Variants in SYT6 observed in about 807,000 individuals in gnomAD.
SYT6 encodes synaptotagmin 6.
A neutral mutation model predicts 38.4 loss-of-function variants in SYT6; 24 were observed. The ratio of observed to expected loss-of-function variants is 0.62; its 90% CI spans 0.45 to 0.88. The LOEUF (loss-of-function observed/expected upper bound fraction) is 0.88. SYT6 is among the 40% of genes least tolerant of loss of function. The pLI is 0.00. For synonymous variants in SYT6, 265 were observed against 241.9 expected (o/e 1.10, Z -0.89); for missense variants, 611 against 621.0 (o/e 0.98, Z 0.17).
rs781092626 is a variant in SYT6 at position 114,092,003 on chromosome 1, T to C, written c.*131A>G. The C allele has an allele frequency of 7.8e-6, 12 of 1,536,162 alleles. No homozygotes were observed. The African/African-American group carries it at 1.6e-4, about 21-fold the overall frequency. ...CTGAGTCCCATTTGTGTTATTTGGC[T>C]GCACATCTCATGGTGTTGGAGGTGG... On this transcript the variant is annotated 3_prime_UTR_variant, in exon 8 of 8. Transcript: ENST00000610222.
chr1:114,148,704 A>ATTT (rs1442133311), intron 1 of SYT6, among the ~76,000 whole-genome samples: 4 of 147,632 alleles, frequency 2.7e-5, no homozygotes, highest in African/African-American at 1.0e-4. Flanking sequence ...TTTATTTATT[A>ATTT]ATACATAGTG....
At chr1:114,140,012 G>A (rs764141903) in intron 1 of SYT6, 49 bp from the exon 2 acceptor site, 2 of 1,155,796 alleles carry the variant, frequency 1.7e-6, no homozygotes, top group East Asian at 2.5e-5. Flanking sequence ...ACAGAGGCGG[G>A]GAGAAGCGGG....
rs149822874 is a variant in SYT6, at chr1:114,132,958, G to T, written c.1071+4537C>A. ...GGAAGCTAGAATGCAATTCAGGTTGGGTTGACAATAAAGCCTGCACTCCTT... is the reference window on the plus strand; with the variant it reads ...GGAAGCTAGAATGCAATTCAGGTTGTGTTGACAATAAAGCCTGCACTCCTT... On this transcript the variant is annotated intron_variant, in intron 3 of 7. Coordinates refer to ENST00000610222, the MANE Select transcript of SYT6 (RefSeq NM_001253772.2). 6.1e-4 allele frequency among the ~76,000 whole-genome samples: 93 copies of T among 152,252 alleles called. 2 individuals carry two copies. The East Asian group carries it at 0.017, about 28-fold the overall frequency.
chr1:114,136,204 C>T (rs1204027868), intron 3 of SYT6, among the ~76,000 whole-genome samples: 2 of 152,174 alleles, frequency 1.3e-5, no homozygotes, highest in Non-Finnish European at 1.5e-5. Flanking sequence ...TTGAACAAAA[C>T]AAGATTTATG....
intron 6 of SYT6, among the ~76,000 whole-genome samples, chr1:114,097,454 AC>A (rs1675701586): frequency 6.6e-6 from 1 of 152,226 alleles, no homozygotes; most frequent in Admixed American, 6.5e-5. Flanking sequence ...CAGACCTGGC[AC>A]AGTGGTCTGC....
intron 3 of SYT6, among the ~76,000 whole-genome samples, chr1:114,113,067 G>A (rs76820718): frequency 1.2e-4 from 19 of 152,326 alleles, no homozygotes; most frequent in Non-Finnish European, 1.9e-4. Context: ...CCTGCACTGC[G>A]TGACAGTGGC....
chr1:114,122,843 G>A (rs1677501100), intron 3 of SYT6, among the ~76,000 whole-genome samples: 1 of 151,262 alleles, frequency 6.6e-6, no homozygotes, highest in Non-Finnish European at 1.5e-5. Context: ...TACCAAAAAG[G>A]CCCAGCAGCA....
At chr1:114,097,076 A>G (rs1289332396) in intron 6 of SYT6, among the ~76,000 whole-genome samples, 1 of 152,150 alleles carries the variant, frequency 6.6e-6, no homozygotes, top group Admixed American at 6.5e-5. Flanking sequence ...CAGGGTCAAG[A>G]TTATACAGCA....
chr1:114,142,970 A>T (rs1678943988), intron 1 of SYT6, among the ~76,000 whole-genome samples: 1 of 152,140 alleles, frequency 6.6e-6, no homozygotes, highest in African/African-American at 2.4e-5. Context: ...ATTACAATGT[A>T]TACTTTTTGT....
At chr1:114,131,631 C>G (rs1444013784) in intron 3 of SYT6, among the ~76,000 whole-genome samples, 1 of 152,174 alleles carries the variant, frequency 6.6e-6, no homozygotes, top group Non-Finnish European at 1.5e-5. Flanking sequence ...GCCTGGGCAC[C>G]CTGATATGGA....
intron 3 of SYT6, among the ~76,000 whole-genome samples, chr1:114,129,604 CTTT>C (rs777830685): frequency 1.7e-4 from 16 of 93,784 alleles, no homozygotes; most frequent in African/African-American, 4.6e-4. Flanking sequence ...TTCTTTCTTT[CTTT>C]CTTTCTTTCC....
intron 3 of SYT6, among the ~76,000 whole-genome samples, chr1:114,115,916 C>T (rs1676966181): frequency 6.6e-6 from 1 of 152,100 alleles, no homozygotes; most frequent in African/African-American, 2.4e-5. Context: ...TGGGACTGTC[C>T]ATGCTCCACC....
chr1:114,122,506 T>TGTGTGTGTGTGTGTGTGTGCGC (rs60780339), intron 3 of SYT6, among the ~76,000 whole-genome samples: 14 of 147,286 alleles, frequency 9.5e-5, no homozygotes, highest in African/African-American at 3.6e-4. Flanking sequence ...TGTGTGTGTG[T>TGTGTGTGTGTGTGTGTGTGCGC]GCGCGCACAT....
At chr1:114,105,033 T>G (rs1367355819) in intron 3 of SYT6, among the ~76,000 whole-genome samples, 1 of 150,244 alleles carries the variant, frequency 6.7e-6, no homozygotes, top group Non-Finnish European at 1.5e-5. Context: ...TGTTGCCATC[T>G]TTACGAGTGG....
intron 1 of SYT6, among the ~76,000 whole-genome samples, chr1:114,146,875 A>C (rs1326444058): frequency 6.6e-6 from 1 of 152,198 alleles, no homozygotes; most frequent in Non-Finnish European, 1.5e-5. Flanking sequence ...TAATAATAGT[A>C]TCTACCTTTA....
intron 4 of SYT6, among the ~76,000 whole-genome samples, chr1:114,102,755 C>A (rs1229426034): frequency 1.3e-5 from 2 of 152,042 alleles, no homozygotes; most frequent in Non-Finnish European, 2.9e-5. Context: ...AGCTTTTTTC[C>A]ACATTTGCAA....
chr1:114,131,706 T>TGAA (rs1473756120), intron 3 of SYT6, among the ~76,000 whole-genome samples: 1 of 152,204 alleles, frequency 6.6e-6, no homozygotes, highest in Non-Finnish European at 1.5e-5. Context: ...AAGTGCCCAA[T>TGAA]GATGCACTGA....
In SYT6 at chr1:114,139,749, G is replaced by A; in HGVS notation, c.378C>T (p.Gly126=). The A allele has an allele frequency of 1.9e-6, 3 of 1,614,106 alleles. No individual in the cohort carries two copies. The highest frequency in any genetic ancestry group is 2.5e-6 in the Non-Finnish European group (3 of 1,180,000). The part of the protein sequence containing the change: ...ADKLKDPSTL[G]FLEAAVKISH... ...TGATCTTCACGGCCGCCTCCAGGAA[G>A]CCCAGGGTGCTGGGGTCCTTCAGCT... Residue 126 remains glycine, a synonymous_variant, in exon 2 of 8, where the codon GGC becomes GGT. Coordinates refer to ENST00000610222, the MANE Select transcript of SYT6 (RefSeq NM_001253772.2).
At chr1:114,111,815 C>T (rs960131705) in intron 3 of SYT6, among the ~76,000 whole-genome samples, 1 of 92,948 alleles carries the variant, frequency 1.1e-5, no homozygotes, top group Non-Finnish European at 2.5e-5. Context: ...CCCACGTTCC[C>T]ACAGCTGGCT....
Sources: gnomAD v4.1 joint callset for allele counts (sites outside exome capture counted in the v4.1 genomes callset) on GRCh38, gnomAD v4.1.1 for gene constraint, MANE v1.5 for transcripts, NCBI Gene and HGNC (gene_info 2026-07-23, HGNC 2026-07-21) for gene names.